MEGF6: variants seen among roughly 807,000 people sequenced by gnomAD.
MEGF6 encodes the protein multiple EGF like domains 6.
In MEGF6, 184 loss-of-function variants were observed where a neutral mutation model predicts 207.1. That is an observed-to-expected ratio of 0.89 (90% CI 0.79 to 1.00). The LOEUF is 1.00. Ranked by LOEUF, MEGF6 falls within the 50% of genes least tolerant of loss-of-function variation. The probability of loss-of-function intolerance (pLI) is 0.00; values close to 1 mark genes in which losing one functional copy is unlikely to be tolerated. For missense variants in MEGF6, 2,282 were observed against 2,202.9 expected (o/e 1.04, Z -0.72); for synonymous variants, 1,038 against 910.0 (o/e 1.14, Z -2.53).
intron 11 of MEGF6, among the ~76,000 whole-genome samples, chr1:3,509,605 G>C (rs1384412770): frequency 2.0e-5 from 3 of 152,196 alleles, no homozygotes; most frequent in African/African-American, 7.2e-5. Flanking sequence ...GGTCAGGACA[G>C]GTGCTGGGCT....
At position 3,501,928 on chromosome 1, in the gene MEGF6, G is replaced by C; in HGVS notation, c.2189-7C>G. The C allele has an allele frequency of 6.3e-7, 1 of 1,591,624 alleles. No homozygotes were observed. The highest frequency in any genetic ancestry group is 8.6e-7 in the Non-Finnish European group (1 of 1,169,416). On this transcript the variant is annotated splice_polypyrimidine_tract_variant and splice_region_variant and intron_variant, in intron 17 of 36. Transcript: ENST00000356575. ...AACGTCCCCACCGGGCACTCTGCAG[G>C]AGAAAGCACGAGGGGCCTTAGCCGC...
At chr1:3,506,826 G>C (rs1325342179) in intron 14 of MEGF6, among the ~76,000 whole-genome samples, 1 of 152,208 alleles carries the variant, frequency 6.6e-6, no homozygotes, top group Non-Finnish European at 1.5e-5. Flanking sequence ...AACAGTGCTT[G>C]CCATAGTAGC....
chr1:3,585,809 G>C (rs1006810542), intron 3 of MEGF6, among the ~76,000 whole-genome samples: 13 of 144,794 alleles, frequency 9.0e-5, no homozygotes, highest in Non-Finnish European at 2.0e-4. Flanking sequence ...CACATGTCCT[G>C]TTGTGGGTGT....
chr1:3,496,966 G>A (rs1640633385), intron 28 of MEGF6, 22 bp downstream of exon 28: 5 of 1,546,804 alleles, frequency 3.2e-6, no homozygotes, highest in African/African-American at 2.7e-5. Flanking sequence ...CGAGTCCCTG[G>A]GTGGGCACGG....
chr1:3,501,989 A>G (rs1383426076), intron 17 of MEGF6, 68 bp from the exon 18 acceptor site: 5 of 1,455,266 alleles, frequency 3.4e-6, no homozygotes, highest in South Asian at 1.2e-5. Context: ...CCTTTCCCCC[A>G]GGGGCTCCTG....
intron 34 of MEGF6, chr1:3,493,056 C>G (rs1286411767): frequency 2.2e-6 from 1 of 462,096 alleles, no homozygotes; most frequent in Non-Finnish European, 3.9e-6. Flanking sequence ...CCCAGGAGGG[C>G]AAACAGGAGC....
rs542159329 is a variant in MEGF6 at position 3,568,522 on chromosome 1, A to G, written c.481+11303T>C. On this transcript the variant is annotated intron_variant, in intron 4 of 36. Transcript: ENST00000356575. Reference sequence around the variant, plus strand: ...CCAGCACGCACCCACTTTCTTCAGGATGGGGGCCCATCACCTGCACCCCAA... The same window carrying G: ...CCAGCACGCACCCACTTTCTTCAGGGTGGGGGCCCATCACCTGCACCCCAA... Among the ~76,000 whole-genome samples, 31 of 152,086 alleles carry G rather than the reference A, an allele frequency of 2.0e-4. No individual in the cohort carries two copies. The South Asian group carries it at 4.8e-3, about 23-fold the overall frequency.
the MEGF6 span, among the ~76,000 whole-genome samples, chr1:3,620,792 G>A: frequency 1.1e-4 from 17 of 152,324 alleles, no homozygotes; most frequent in Admixed American, 3.9e-4. Flanking sequence ...CGCGGAGACC[G>A]GTAGCAGCCC....
At chr1:3,563,570 G>A (rs1384497407) in intron 4 of MEGF6, among the ~76,000 whole-genome samples, 3 of 152,240 alleles carry the variant, frequency 2.0e-5, no homozygotes, top group Admixed American at 6.5e-5. Context: ...AAGGCCAGCA[G>A]ACATTTTAGA....
In MEGF6 at chr1:3,560,883, G is replaced by C. The variant is rs527872310; in HGVS notation, c.481+18942C>G. Reference sequence around the variant, plus strand: ...TGGTCCCCCAGGTCTCTACGCGAAGGGGGTGCTGGGCTCTACCCCCAGGCC... The same window carrying C: ...TGGTCCCCCAGGTCTCTACGCGAAGCGGGTGCTGGGCTCTACCCCCAGGCC... On this transcript the variant is annotated intron_variant, in intron 4 of 36. Transcript: ENST00000356575. This position sits in a 1 kb window ranked among gnomAD's most constrained non-coding sequence, Gnocchi z 4.0. The C allele has an allele frequency of 7.0e-4, 307 of 438,368 alleles. No homozygotes were observed. Among genetic ancestry groups the C allele is most frequent in the South Asian group, 4.2e-3 (253 of 59,770 alleles). The allele number at this position is 438,368 out of a possible 1,614,324, so 27.2% of individuals were successfully genotyped here. A position where few individuals can be genotyped will look rare whatever the true frequency, so the allele number is the denominator to read the frequency against.
At chr1:3,603,294 C>T (rs1240520998) in intron 1 of MEGF6, among the ~76,000 whole-genome samples, 1 of 152,026 alleles carries the variant, frequency 6.6e-6, no homozygotes, top group Non-Finnish European at 1.5e-5. Flanking sequence ...AGAAAGGACT[C>T]AGGCCCTGCG....
intron 17 of MEGF6, among the ~76,000 whole-genome samples, 167 bp from the exon 18 acceptor site, chr1:3,502,088 C>CTGTG (rs1640923231): frequency 8.6e-6 from 1 of 115,688 alleles, no homozygotes; most frequent in African/African-American, 3.1e-5. Flanking sequence ...AGTGTGCCCC[C>CTGTG]CCGCGCCTCC....
chr1:3,596,133 C>T (rs535256857), intron 2 of MEGF6, among the ~76,000 whole-genome samples: 2 of 152,182 alleles, frequency 1.3e-5, no homozygotes, highest in South Asian at 2.1e-4. Flanking sequence ...GGCACCATGG[C>T]GGGCAGGCAG....
chr1:3,590,015 G>C (rs368537974), intron 3 of MEGF6, among the ~76,000 whole-genome samples: 5 of 152,334 alleles, frequency 3.3e-5, no homozygotes, highest in Admixed American at 1.3e-4. Context: ...ACAGCCCATG[G>C]AGCTGGTGCA....
chr1:3,571,383 G>A (rs1051175014), intron 4 of MEGF6, among the ~76,000 whole-genome samples: 6 of 152,094 alleles, frequency 3.9e-5, no homozygotes, highest in African/African-American at 1.4e-4. Context: ...GGAAAACACC[G>A]AGACCAAGGC....
chr1:3,531,506 C>T (rs1642171063), intron 4 of MEGF6: 3 of 1,048,842 alleles, frequency 2.9e-6, no homozygotes, highest in African/African-American at 3.4e-5. Context: ...AGGGAGCCGC[C>T]CCCGGCCCCG....
intron 5 of MEGF6, among the ~76,000 whole-genome samples, chr1:3,523,394 G>A (rs542954300): frequency 4.6e-5 from 7 of 152,202 alleles, no homozygotes; most frequent in African/African-American, 1.7e-4. Context: ...GCCCTGTGCC[G>A]GTTCCTAGAG....
intron 4 of MEGF6, among the ~76,000 whole-genome samples, chr1:3,552,396 C>G (rs1432762979): frequency 6.6e-6 from 1 of 152,352 alleles, no homozygotes; most frequent in East Asian, 1.9e-4. Flanking sequence ...GCCAAGAAAG[C>G]GCTGAGGCAT....
intron 4 of MEGF6, among the ~76,000 whole-genome samples, chr1:3,548,044 C>T (rs961198973): frequency 6.6e-6 from 1 of 152,202 alleles, no homozygotes; most frequent in Non-Finnish European, 1.5e-5. Flanking sequence ...CCTGTGCCCC[C>T]GCCTCTAGAG....
Sources: allele counts gnomAD v4.1 joint callset (sites outside exome capture counted in the v4.1 genomes callset), GRCh38; gene constraint gnomAD v4.1.1; non-coding constraint Gnocchi (gnomAD v3.1); transcripts MANE v1.5; gene names NCBI Gene and HGNC (gene_info 2026-07-23, HGNC 2026-07-21).